Variants in EGFR observed in about 807,000 individuals in gnomAD.
The protein encoded by EGFR is avian erythroblastic leukemia viral (v-erb-b) oncogene homolog.
Under a neutral mutation model 143.0 loss-of-function variants are expected in EGFR, and 58 were observed. That is an observed-to-expected ratio of 0.41 (90% CI 0.33 to 0.50). The LOEUF (loss-of-function observed/expected upper bound fraction) is 0.50. EGFR is among the 20% of genes least tolerant of loss of function. EGFR has a pLI of 0.39. For synonymous variants in EGFR, 613 were observed against 594.4 expected, an observed-to-expected ratio of 1.03 and a Z score of -0.45; for missense variants, 1,307 against 1,579.0, an observed-to-expected ratio of 0.83 and a Z score of 2.92.
chr7:55,194,573 G>A (rs150160586), intron 22 of EGFR, among the ~76,000 whole-genome samples: 1,573 of 152,208 alleles, frequency 0.01, 27 homozygotes, highest in African/African-American at 0.034. Flanking sequence ...GATAAAACCT[G>A]AGCACCTGGC....
In EGFR at chr7:55,206,356, T is replaced by G. The variant is rs1788106481; in HGVS notation, c.*739T>G. Reference sequence around the variant, plus strand: ...GTCATGAGCGTTAGACTGACTTGTTTGTCTTCCATTCCATTGTTTTGAAAC... The same window carrying G: ...GTCATGAGCGTTAGACTGACTTGTTGGTCTTCCATTCCATTGTTTTGAAAC... On this transcript the variant is annotated 3_prime_UTR_variant, in exon 28 of 28. Transcript: ENST00000275493. The G allele has an allele frequency of 4.3e-6, 1 of 233,410 alleles. No individual in the cohort carries two copies. The highest frequency in any genetic ancestry group is 2.2e-5 in the African/African-American group (1 of 45,354). The allele number at this position is 233,410 out of a possible 1,614,324, so 14.5% of individuals were successfully genotyped here. A position where few individuals can be genotyped will look rare whatever the true frequency, so the allele number is the denominator to read the frequency against.
chr7:55,167,110 A>ATGT (rs1786068238), intron 15 of EGFR, among the ~76,000 whole-genome samples: 19 of 133,730 alleles, frequency 1.4e-4, no homozygotes, highest in African/African-American at 5.7e-4. Flanking sequence ...GGGAGTCACA[A>ATGT]TGGTGTCAGT....
chr7:55,156,893 T>C (rs1449465258), intron 10 of EGFR, 61 bp downstream of exon 10: 2 of 1,611,400 alleles, frequency 1.2e-6, no homozygotes, highest in Non-Finnish European at 1.7e-6. Context: ...GAGAGAACTT[T>C]TCGACATATT....
intron 1 of EGFR, among the ~76,000 whole-genome samples, chr7:55,041,786 G>A (rs1274951027): frequency 6.6e-6 from 1 of 152,134 alleles, no homozygotes; most frequent in Non-Finnish European, 1.5e-5. Flanking sequence ...CGTGACAAGT[G>A]TTTTCTTACT....
chr7:55,091,019 T>C (rs1324001147), intron 1 of EGFR, among the ~76,000 whole-genome samples: 1 of 152,248 alleles, frequency 6.6e-6, no homozygotes, highest in Non-Finnish European at 1.5e-5. Context: ...GCACTGTGTT[T>C]AGCACTTTGT....
At chr7:55,068,165 G>A (rs1789625901) in intron 1 of EGFR, among the ~76,000 whole-genome samples, 1 of 152,052 alleles carries the variant, frequency 6.6e-6, no homozygotes, top group Non-Finnish European at 1.5e-5. Context: ...CACCTTTTTA[G>A]TCAAAAGAAC....
At chr7:55,149,591 C>A (rs905269235) in intron 4 of EGFR, among the ~76,000 whole-genome samples, 2 of 152,066 alleles carry the variant, frequency 1.3e-5, no homozygotes, top group African/African-American at 4.8e-5. Flanking sequence ...TTAATAAAAC[C>A]AAGCTTGGCA....
chr7:55,116,283 A>G (rs1391089792), intron 1 of EGFR, among the ~76,000 whole-genome samples: 1 of 152,192 alleles, frequency 6.6e-6, no homozygotes, highest in Non-Finnish European at 1.5e-5. Context: ...CCAGCTATTG[A>G]GATTCCTGTG....
At chr7:55,039,448 C>T (rs1787779527) in intron 1 of EGFR, among the ~76,000 whole-genome samples, 1 of 152,158 alleles carries the variant, frequency 6.6e-6, no homozygotes, top group African/African-American at 2.4e-5. Context: ...CTTTAACGCC[C>T]ATATCTGCTG....
intron 1 of EGFR, among the ~76,000 whole-genome samples, chr7:55,025,651 C>T (rs372055517): frequency 4.6e-5 from 7 of 152,156 alleles, no homozygotes; most frequent in African/African-American, 1.4e-4. Context: ...CACATATTTC[C>T]GTGTCAGTTA....
At chr7:55,024,950 T>C (rs1386024196) in intron 1 of EGFR, among the ~76,000 whole-genome samples, 2 of 152,210 alleles carry the variant, frequency 1.3e-5, no homozygotes, top group Non-Finnish European at 2.9e-5. Flanking sequence ...TGGAAGGGAT[T>C]ACTCATTTGA....
Position 55,151,330 on chromosome 7 carries a change from G to T in EGFR, c.596G>T (p.Cys199Phe). 6.2e-7 allele frequency: 1 copy of T among 1,614,226 alleles called. No individual in the cohort carries two copies. The highest frequency in any genetic ancestry group is 8.5e-7 in the Non-Finnish European group (1 of 1,180,036). Residue 199 changes from cysteine (C) to phenylalanine (F), a missense_variant, in exon 5 of 28, where the codon TGC becomes TTC. By Grantham distance (205) the Cys-to-Phe change is radical. Transcript: ENST00000275493. ...GATCCAAGCTGTCCCAATGGGAGCT[G>T]CTGGGGTGCAGGAGAGGAGAACTGC... ...KCDPSCPNGS[C>F]WGAGEENCQK...
intron 1 of EGFR, among the ~76,000 whole-genome samples, chr7:55,126,845 A>T (rs1793552894): frequency 1.3e-5 from 2 of 152,238 alleles, no homozygotes; most frequent in African/African-American, 4.8e-5. Flanking sequence ...TGAGTGAGAT[A>T]TTCATTATAC....
chr7:55,122,664 C>T (rs982727472), intron 1 of EGFR, among the ~76,000 whole-genome samples: 1 of 152,244 alleles, frequency 6.6e-6, no homozygotes, highest in Non-Finnish European at 1.5e-5. Flanking sequence ...CCCCTTTTCT[C>T]CTCTGCCTAC....
At position 55,104,325 on chromosome 7, in the gene EGFR, G is replaced by A. The variant is rs1051158043; in HGVS notation, c.89-37961G>A. On this transcript the variant is annotated intron_variant, in intron 1 of 27. Transcript: ENST00000275493. ...CAGGTTGCCAAGCTGGGTTGAAACCGTCCTCCGTAGGCTCCCAACTCCGCC... is the reference window on the plus strand; with the variant it reads ...CAGGTTGCCAAGCTGGGTTGAAACCATCCTCCGTAGGCTCCCAACTCCGCC... Among the ~76,000 whole-genome samples, 5 of 152,328 alleles carry A rather than the reference G, an allele frequency of 3.3e-5. No homozygotes were observed. The South Asian group carries it at 6.2e-4, about 19-fold the overall frequency.
rs1487399294 is a variant in EGFR, at chr7:55,211,416, G to C, written c.*5799G>C. The stretch of plus-strand genomic sequence containing the variant: ...GAAACATTCAAGCAATAGCTTTATA[G>C]CTTCAACATATGGTACGTTTTAACC... On this transcript the variant is annotated 3_prime_UTR_variant, in exon 28 of 28. Coordinates refer to ENST00000275493, the MANE Select transcript of EGFR (RefSeq NM_005228.5). 1.3e-5 allele frequency: 2 copies of C among 152,200 alleles called. No individual in the cohort carries two copies. Among genetic ancestry groups the C allele is most frequent in the Non-Finnish European group, 2.9e-5 (2 of 68,034 alleles). The allele number at this position is 152,200 out of a possible 1,614,324, so 9.4% of individuals were successfully genotyped here. A position where few individuals can be genotyped will look rare whatever the true frequency, so the allele number is the denominator to read the frequency against.
At chr7:55,116,305 C>T (rs887840583) in intron 1 of EGFR, among the ~76,000 whole-genome samples, 6 of 152,214 alleles carry the variant, frequency 3.9e-5, no homozygotes, top group Admixed American at 2.0e-4. Context: ...CCACGCAATG[C>T]GCACATCCCA....
chr7:55,174,943 T>C (rs1157678899), intron 19 of EGFR, 123 bp downstream of exon 19: 1 of 786,278 alleles, frequency 1.3e-6, no homozygotes, highest in South Asian at 1.4e-5. Flanking sequence ...GTTCACTTTC[T>C]ATGTCTTTCC....
intron 26 of EGFR, 73 bp downstream of exon 26, chr7:55,201,855 T>C (rs1395549207): frequency 2.0e-6 from 3 of 1,537,498 alleles, no homozygotes; most frequent in East Asian, 4.5e-5. Context: ...GAAAATGCCT[T>C]AACCTAAATA....
Sources: gnomAD v4.1 joint callset for allele counts (sites outside exome capture counted in the v4.1 genomes callset) on GRCh38, gnomAD v4.1.1 for gene constraint, MANE v1.5 for transcripts, NCBI Gene and HGNC (gene_info 2026-07-23, HGNC 2026-07-21) for gene names.